ANO2: variants seen among roughly 807,000 people sequenced by gnomAD.
The protein encoded by ANO2 is anoctamin-2.
A neutral mutation model predicts 124.2 loss-of-function variants in ANO2; 101 were observed. The observed-to-expected ratio is 0.81, with a 90% CI of 0.69 to 0.96. ANO2 has a LOEUF of 0.96. Among genes scored for constraint, ANO2 ranks in the 40% least tolerant of loss-of-function variants. The pLI, the probability that ANO2 is intolerant of heterozygous loss-of-function variation, is 0.00. For synonymous variants in ANO2, 486 were observed against 482.5 expected (o/e 1.01, Z -0.09); for missense variants, 1,293 against 1,274.5 (o/e 1.01, Z -0.22).
intron 12 of ANO2, among the ~76,000 whole-genome samples, chr12:5,741,595 T>C (rs1166814423): frequency 6.6e-6 from 1 of 151,982 alleles, no homozygotes; most frequent in Admixed American, 6.5e-5. Context: ...ACTGAAGGAA[T>C]GATGAGAGGG....
At chr12:5,719,423 G>A (rs1420588615) in intron 14 of ANO2, among the ~76,000 whole-genome samples, 1 of 152,160 alleles carries the variant, frequency 6.6e-6, no homozygotes, top group Non-Finnish European at 1.5e-5. Context: ...GAATTCATAT[G>A]TTGGAACTTA....
chr12:5,633,413 T>C (rs1945833518), intron 16 of ANO2, among the ~76,000 whole-genome samples: 1 of 152,182 alleles, frequency 6.6e-6, no homozygotes, highest in African/African-American at 2.4e-5. Context: ...TTTGGCTTTG[T>C]CCACTCTTGC....
intron 14 of ANO2, among the ~76,000 whole-genome samples, chr12:5,695,196 CACTCCTG>C (rs1949117279): frequency 6.6e-6 from 1 of 152,046 alleles, no homozygotes; most frequent in African/African-American, 2.4e-5. Context: ...CTCCAAGCAC[CACTCCTG>C]ACTCAATACC....
At chr12:5,943,557 A>G (rs796917825) in intron 1 of ANO2, among the ~76,000 whole-genome samples, 63 of 152,274 alleles carry the variant, frequency 4.1e-4, no homozygotes, top group African/African-American at 1.5e-3. Context: ...TACTGGGTAC[A>G]ATGTACACTG....
At position 5,807,181 on chromosome 12, in the gene ANO2, C is replaced by G. The variant is rs1283182825; in HGVS notation, c.948+132G>C. ...CAGCAATGAGTGGTCCAGGGTCAGT[C>G]AAGGTATTTTAATGTCATGATTCAC... is the stretch of plus-strand genomic sequence containing the variant. On this transcript the variant is annotated intron_variant, in intron 8 of 24. Transcript: ENST00000682330. 4.2e-6 allele frequency: 3 copies of G among 721,058 alleles called. No homozygotes were observed. The East Asian group carries it at 9.1e-5, about 22-fold the overall frequency. The allele number at this position is 721,058 out of a possible 1,614,324, so 44.7% of individuals were successfully genotyped here.
At chr12:5,863,846 A>T in intron 3 of ANO2, among the ~76,000 whole-genome samples, 1 of 152,200 alleles carries the variant, frequency 6.6e-6, no homozygotes, top group East Asian at 1.9e-4. Context: ...TTAAATAAAC[A>T]TTATTTACTT....
chr12:5,834,230 G>C (rs1954246200), intron 4 of ANO2, among the ~76,000 whole-genome samples: 1 of 152,204 alleles, frequency 6.6e-6, no homozygotes, highest in African/African-American at 2.4e-5. Flanking sequence ...CTAAGTGTGG[G>C]CTAATCTGTC....
At chr12:5,608,910 G>A (rs1944345320) in intron 19 of ANO2, 1 of 152,190 alleles carries the variant, frequency 6.6e-6, no homozygotes, top group African/African-American at 2.4e-5. Context: ...GATGACCAGG[G>A]ATGAAAGCTG....
chr12:5,837,665 A>G (rs945825434), intron 4 of ANO2, among the ~76,000 whole-genome samples: 3 of 151,868 alleles, frequency 2.0e-5, no homozygotes, highest in East Asian at 1.9e-4. Context: ...TGAAACCAAC[A>G]AGAACAAAGA....
chr12:5,755,512 C>T (rs1200265146), intron 10 of ANO2, among the ~76,000 whole-genome samples: 1 of 151,990 alleles, frequency 6.6e-6, no homozygotes, highest in African/African-American at 2.4e-5. Flanking sequence ...CCCATTAACT[C>T]GTCATTTACA....
chr12:5,730,377 C>T (rs895780145), intron 14 of ANO2, among the ~76,000 whole-genome samples: 4 of 152,158 alleles, frequency 2.6e-5, no homozygotes, highest in African/African-American at 7.2e-5. Flanking sequence ...CAACCAGCTA[C>T]GTGGTCTTAA....
intron 15 of ANO2, among the ~76,000 whole-genome samples, chr12:5,643,736 G>C (rs1261481282): frequency 6.6e-6 from 1 of 152,092 alleles, no homozygotes; most frequent in Non-Finnish European, 1.5e-5. Flanking sequence ...AGACTTTTGG[G>C]CATATATGGT....
intron 3 of ANO2, among the ~76,000 whole-genome samples, chr12:5,891,000 C>T (rs1337840028): frequency 1.3e-5 from 2 of 152,178 alleles, no homozygotes; most frequent in East Asian, 1.9e-4. Flanking sequence ...GCATTCAGAC[C>T]TCATCACATT....
intron 3 of ANO2, among the ~76,000 whole-genome samples, chr12:5,914,132 G>T (rs563114899): frequency 2.6e-5 from 4 of 151,998 alleles, no homozygotes; most frequent in Admixed American, 2.6e-4. Flanking sequence ...CCCGGGAGGC[G>T]GAGGTTGCAG....
intron 14 of ANO2, among the ~76,000 whole-genome samples, chr12:5,683,261 T>C (rs1353176989): frequency 6.6e-6 from 1 of 152,144 alleles, no homozygotes; most frequent in Admixed American, 6.5e-5. Flanking sequence ...AATTATCTTA[T>C]TTTAGGGAAA....
At chr12:5,852,495 A>T (rs2137251865) in intron 4 of ANO2, among the ~76,000 whole-genome samples, 1 of 152,268 alleles carries the variant, frequency 6.6e-6, no homozygotes, top group Middle Eastern at 3.4e-3. Context: ...CATTGTAATA[A>T]ATCTATAAGA....
chr12:5,611,132 G>A (rs888725203), intron 19 of ANO2, among the ~76,000 whole-genome samples: 6 of 151,436 alleles, frequency 4.0e-5, no homozygotes, highest in Non-Finnish European at 7.4e-5. Flanking sequence ...AACCACACCC[G>A]GCTAATTTTG....
At chr12:5,625,192 T>C (rs975534639) in intron 16 of ANO2, among the ~76,000 whole-genome samples, 1 of 151,642 alleles carries the variant, frequency 6.6e-6, no homozygotes, top group South Asian at 2.1e-4. Context: ...GTGAATGGTG[T>C]GGGGGGGAGT....
At chr12:5,719,764 C>T (rs1950154374) in intron 14 of ANO2, among the ~76,000 whole-genome samples, 1 of 152,214 alleles carries the variant, frequency 6.6e-6, no homozygotes, top group Non-Finnish European at 1.5e-5. Context: ...ACACTCACCC[C>T]TCATGCAATA....
Sources: gnomAD v4.1 joint callset for allele counts (sites outside exome capture counted in the v4.1 genomes callset) on GRCh38, gnomAD v4.1.1 for gene constraint, MANE v1.5 for transcripts, NCBI Gene and HGNC (gene_info 2026-07-23, HGNC 2026-07-21) for gene names.